CENPA: variants seen among roughly 807,000 people sequenced by gnomAD.
The protein encoded by CENPA is histone H3-like centromeric protein A.
In CENPA, 7 loss-of-function variants were observed where a neutral mutation model predicts 17.2. The observed-to-expected ratio is 0.41, with a 90% CI of 0.23 to 0.76. CENPA has a LOEUF of 0.76. Ranked by LOEUF, CENPA falls within the 30% of genes least tolerant of loss-of-function variation. CENPA has a pLI of 0.34. For synonymous variants in CENPA, 82 were observed against 77.4 expected, an observed-to-expected ratio of 1.06 and a Z score of -0.31; for missense variants, 149 against 193.1, an observed-to-expected ratio of 0.77 and a Z score of 1.35.
At chr2:26,789,879 C>T (rs1054072930) in intron 1 of CENPA, among the ~76,000 whole-genome samples, 1 of 152,214 alleles carries the variant, frequency 6.6e-6, no homozygotes, top group African/African-American at 2.4e-5. Context: ...TCCACTCTGT[C>T]CCTTTCTACT....
intron 1 of CENPA, among the ~76,000 whole-genome samples, chr2:26,789,944 C>A (rs1664585090): frequency 6.6e-6 from 1 of 152,218 alleles, no homozygotes; most frequent in African/African-American, 2.4e-5. Context: ...CTGCATAAAA[C>A]TCTTCCCTGG....
At position 26,794,535 on chromosome 2, in the gene CENPA, T is replaced by C. The variant is rs376469103; in HGVS notation, c.*771T>C. ...AGTACATTTTCGATGCTTTTATGGGTATTTTTGTAGTTTCTTTGTAGAGAG... is the reference window on the plus strand; with the variant it reads ...AGTACATTTTCGATGCTTTTATGGGCATTTTTGTAGTTTCTTTGTAGAGAG... On this transcript the variant is annotated 3_prime_UTR_variant, in exon 5 of 5. Coordinates refer to ENST00000335756, the MANE Select transcript of CENPA (RefSeq NM_001809.4). 1.3e-5 allele frequency: 2 copies of C among 152,266 alleles called. No individual in the cohort carries two copies. Among genetic ancestry groups the C allele is most frequent in the African/African-American group, 4.8e-5 (2 of 41,474 alleles). The allele number at this position is 152,266 out of a possible 1,614,324, so 9.4% of individuals were successfully genotyped here.
At position 26,793,136 on chromosome 2, in the gene CENPA, T is replaced by G; in HGVS notation, c.289-9T>G. On this transcript the variant is annotated splice_polypyrimidine_tract_variant and intron_variant, in intron 3 of 4. Coordinates refer to ENST00000335756, the MANE Select transcript of CENPA (RefSeq NM_001809.4). ...ATCTGTGTCCGTCTTTTTCTCTTTCTGTCTCCAGGCAGCAGAAGCATTTCT... is the reference window on the plus strand; with the variant it reads ...ATCTGTGTCCGTCTTTTTCTCTTTCGGTCTCCAGGCAGCAGAAGCATTTCT... The G allele has an allele frequency of 1.2e-6, 2 of 1,613,896 alleles. No individual in the cohort carries two copies. Among genetic ancestry groups the G allele is most frequent in the East Asian group, 4.5e-5 (2 of 44,886 alleles).
chr2:26,792,465 CT>C (rs757562055), intron 2 of CENPA: 13 of 710,964 alleles, frequency 1.8e-5, no homozygotes, highest in South Asian at 1.1e-4. Context: ...TAGTTTTTGA[CT>C]GTATAAATAG....
At chr2:26,791,799 G>A (rs963559947) in intron 1 of CENPA, among the ~76,000 whole-genome samples, 2 of 152,180 alleles carry the variant, frequency 1.3e-5, no homozygotes, top group Non-Finnish European at 2.9e-5. Flanking sequence ...ATCAGGATTC[G>A]GGAAAGACTT....
At chr2:26,788,424 C>G (rs2148066041) in intron 1 of CENPA, among the ~76,000 whole-genome samples, 1 of 152,298 alleles carries the variant, frequency 6.6e-6, no homozygotes, top group Middle Eastern at 3.4e-3. Flanking sequence ...TCCATTCTCC[C>G]CATGACTATT....
chr2:26,793,511 T>C (rs1664659191), intron 4 of CENPA, among the ~76,000 whole-genome samples, 185 bp downstream of exon 4: 1 of 152,236 alleles, frequency 6.6e-6, no homozygotes, highest in Non-Finnish European at 1.5e-5. Context: ...TATCTTTCTA[T>C]TAAATAATAA....
intron 2 of CENPA, 63 bp downstream of exon 2, chr2:26,792,303 T>G: frequency 7.8e-7 from 1 of 1,286,814 alleles, no homozygotes; most frequent in Non-Finnish European, 1.1e-6. Context: ...TTTTCCCAGG[T>G]ATTAGGGACC....
chr2:26,787,702 G>A (rs1287834717), intron 1 of CENPA, among the ~76,000 whole-genome samples: 1 of 152,180 alleles, frequency 6.6e-6, no homozygotes, highest in Non-Finnish European at 1.5e-5. Flanking sequence ...TTTTAGTAGA[G>A]GTGGGATTTT....
At chr2:26,788,520 C>G (rs753723220) in intron 1 of CENPA, among the ~76,000 whole-genome samples, 4 of 152,112 alleles carry the variant, frequency 2.6e-5, no homozygotes, top group Non-Finnish European at 5.9e-5. Flanking sequence ...CTAGGTGTCC[C>G]CCTTCCTATC....
intron 1 of CENPA, among the ~76,000 whole-genome samples, chr2:26,787,830 TC>T (rs1664540792): frequency 6.6e-6 from 1 of 152,236 alleles, no homozygotes; most frequent in South Asian, 2.1e-4. Flanking sequence ...TGCTGAATTC[TC>T]GTTCACCCTA....
At chr2:26,786,807 G>GT (rs904440109) in intron 1 of CENPA, among the ~76,000 whole-genome samples, 2 of 151,818 alleles carry the variant, frequency 1.3e-5, no homozygotes, top group African/African-American at 4.8e-5. Context: ...TCTTTCAGGG[G>GT]TTTTTTTTCC....
intron 1 of CENPA, among the ~76,000 whole-genome samples, chr2:26,789,429 T>C (rs1664576349): frequency 6.6e-6 from 1 of 151,988 alleles, no homozygotes; most frequent in Non-Finnish European, 1.5e-5. Context: ...TGACATCCTT[T>C]TCCTTTCTAC....
intron 1 of CENPA, among the ~76,000 whole-genome samples, chr2:26,787,637 T>C (rs1664536016): frequency 6.6e-6 from 1 of 152,030 alleles, no homozygotes; most frequent in South Asian, 2.1e-4. Flanking sequence ...CAGCTCAGCC[T>C]CCCGAGTAGC....
chr2:26,792,737 C>T lies in CENPA; in HGVS notation c.211-19C>T. The T allele has an allele frequency of 6.2e-7, 1 of 1,608,518 alleles. No homozygotes were observed. ...GTTACTCCCTACTCCTACTCCTCCC[C>T]TTCCCCACTCCTTCACAGGCAAGAG... On this transcript the variant is annotated intron_variant, in intron 2 of 4. Transcript: ENST00000335756.
chr2:26,789,665 A>G (rs1175741443), intron 1 of CENPA, among the ~76,000 whole-genome samples: 1 of 152,054 alleles, frequency 6.6e-6, no homozygotes, highest in Non-Finnish European at 1.5e-5. Flanking sequence ...ATTTCAGTAA[A>G]TGGCACAACT....
intron 1 of CENPA, among the ~76,000 whole-genome samples, chr2:26,786,682 C>T (rs1664513865): frequency 6.6e-6 from 1 of 152,268 alleles, no homozygotes; most frequent in East Asian, 1.9e-4. Flanking sequence ...AGTCACACAA[C>T]TTGGTGTTCT....
At chr2:26,791,776 T>G (rs542631713) in intron 1 of CENPA, among the ~76,000 whole-genome samples, 102 of 152,336 alleles carry the variant, frequency 6.7e-4, no homozygotes, top group African/African-American at 2.3e-3. Flanking sequence ...CGGTCACCCA[T>G]CTGTTTGGAA....
At chr2:26,791,029 T>C (rs2164043) in intron 1 of CENPA, among the ~76,000 whole-genome samples, 42,208 of 152,238 alleles carry the variant, frequency 0.28, 6,441 homozygotes, top group Non-Finnish European at 0.34. Flanking sequence ...ACTTATCAGA[T>C]GTTCACTCAT....
Sources: allele counts gnomAD v4.1 joint callset (sites outside exome capture counted in the v4.1 genomes callset), GRCh38; gene constraint gnomAD v4.1.1; transcripts MANE v1.5; gene names NCBI Gene and HGNC (gene_info 2026-07-23, HGNC 2026-07-21).